The following NRG2 variants were observed in gnomAD, a reference collection of about 807,000 sequenced individuals.
NRG2 encodes the protein neuregulin 2, also known as pro-neuregulin-2, membrane-bound isoform.
NRG2 carries 27 observed loss-of-function variants against 73.9 expected under a neutral mutation model. That is an observed-to-expected ratio of 0.37 (90% CI 0.27 to 0.50). The LOEUF (loss-of-function observed/expected upper bound fraction) is 0.50. Ranked by LOEUF, NRG2 falls within the 20% of genes least tolerant of loss-of-function variation. The pLI is 0.96. For missense variants in NRG2, 1,126 were observed against 1,210.1 expected (o/e 0.93, Z 1.03); for synonymous variants, 532 against 541.0 (o/e 0.98, Z 0.23).
Position 139,887,898 on chromosome 5 carries a change from G to A in NRG2, c.701-387C>T, listed in dbSNP as rs1430407414. Among the ~76,000 whole-genome samples, 3 of 152,164 alleles carry A rather than the reference G, an allele frequency of 2.0e-5. No individual in the cohort carries two copies. The highest frequency in any genetic ancestry group is 7.2e-5 in the African/African-American group (3 of 41,450). ...ATGATGGAACTGGGATTCAAACACAGATCTCCTTGACATCAGTGCTCAGGA... is the reference window on the plus strand; with the variant it reads ...ATGATGGAACTGGGATTCAAACACAAATCTCCTTGACATCAGTGCTCAGGA... On this transcript the variant is annotated intron_variant, in intron 1 of 9. Transcript: ENST00000361474. The surrounding 1 kb of genome is among the most constrained non-coding windows in gnomAD (Gnocchi z 4.5).
chr5:140,043,245 G>A lies in NRG2; in HGVS notation c.-176C>T. The A allele has an allele frequency of 1.6e-6, 1 of 613,226 alleles. No individual in the cohort carries two copies. Among genetic ancestry groups the A allele is most frequent in the Non-Finnish European group, 2.7e-6 (1 of 365,604 alleles). The allele number at this position is 613,226 out of a possible 1,614,324, so 38.0% of individuals were successfully genotyped here. On this transcript the variant is annotated 5_prime_UTR_variant, in exon 1 of 10. Transcript: ENST00000361474. The surrounding 1 kb of genome is among the most constrained non-coding windows in gnomAD (Gnocchi z 6.7). ...GCAGGCGGCAAGCGGGCCGCGATGC[G>A]CAGCGCGGCGCAGCGCAGCGCTCCC...
intron 1 of NRG2, among the ~76,000 whole-genome samples, chr5:139,920,883 C>T (rs1031267517): frequency 1.3e-5 from 2 of 152,174 alleles, no homozygotes; most frequent in Non-Finnish European, 2.9e-5. Flanking sequence ...AATCAAACAA[C>T]AAAGTGATTA....
intron 1 of NRG2, among the ~76,000 whole-genome samples, chr5:139,896,628 A>T (rs1363453909): frequency 1.3e-5 from 2 of 152,178 alleles, no homozygotes; most frequent in East Asian, 3.8e-4. Context: ...TTCTCTTCCA[A>T]GATTGCTCCT....
In NRG2 at chr5:139,904,458, G is replaced by A; in HGVS notation, c.701-16947C>T. 9.1e-6 allele frequency: 9 copies of A among 993,894 alleles called. No homozygotes were observed. The South Asian group carries it at 1.3e-4, about 15-fold the overall frequency. The allele number at this position is 993,894 out of a possible 1,614,324, so 61.6% of individuals were successfully genotyped here. Reference sequence around the variant, plus strand: ...CTCTCCGCTGCCGCGCTGCGCCCCCGCCGCCTGCAGCCTCAGTGCCCGAGC... The same window carrying A: ...CTCTCCGCTGCCGCGCTGCGCCCCCACCGCCTGCAGCCTCAGTGCCCGAGC... On this transcript the variant is annotated intron_variant, in intron 1 of 9. Coordinates refer to ENST00000361474, the MANE Select transcript of NRG2 (RefSeq NM_004883.3). The surrounding 1 kb of genome is among the most constrained non-coding windows in gnomAD (Gnocchi z 6.0).
intron 9 of NRG2, 78 bp from the exon 10 acceptor site, chr5:139,848,775 G>GGGGGGGGGGGGGGCC: frequency 1.7e-6 from 1 of 601,720 alleles, no homozygotes; most frequent in East Asian, 4.9e-5. Flanking sequence ...GTGGGGTAGG[G>GGGGGGGGGGGGGGCC]TGGGAGGGGC....
At chr5:139,943,596 T>C (rs6870884) in intron 1 of NRG2, among the ~76,000 whole-genome samples, 4,012 of 152,380 alleles carry the variant, frequency 0.026, 69 homozygotes, top group Middle Eastern at 0.058. Context: ...TATGCTCTTT[T>C]AGCATGTCTA....
rs538136937 is a variant in NRG2 at position 139,972,825 on chromosome 5, C to A, written c.700+69545G>T. ...ATTAATACCCTAGATATATAAGGAA[C>A]CTTGTAACAATATGAAAAAGATAAA... On this transcript the variant is annotated intron_variant, in intron 1 of 9. Transcript: ENST00000361474. Among the ~76,000 whole-genome samples the A allele has an allele frequency of 2.6e-5, 4 of 152,212 alleles. No individual in the cohort carries two copies. In the East Asian group the frequency reaches 5.8e-4, roughly 22 times the overall value.
intron 1 of NRG2, among the ~76,000 whole-genome samples, chr5:140,035,132 T>C (rs1761412771): frequency 6.6e-6 from 1 of 152,160 alleles, no homozygotes; most frequent in Non-Finnish European, 1.5e-5. Flanking sequence ...CATTTTGTTT[T>C]TTGTTTTTTA....
chr5:139,918,878 T>C (rs1365089481), intron 1 of NRG2, among the ~76,000 whole-genome samples: 2 of 151,904 alleles, frequency 1.3e-5, no homozygotes, highest in Non-Finnish European at 2.9e-5. Context: ...GGGGAGATGC[T>C]CACACGTAGA....
At chr5:139,996,799 T>C (rs1424746284) in intron 1 of NRG2, among the ~76,000 whole-genome samples, 1 of 152,172 alleles carries the variant, frequency 6.6e-6, no homozygotes, top group Non-Finnish European at 1.5e-5. Flanking sequence ...ATGGCACATG[T>C]AATTAGCTCT....
intron 5 of NRG2, among the ~76,000 whole-genome samples, chr5:139,861,028 C>G (rs1762112556): frequency 6.6e-6 from 1 of 152,230 alleles, no homozygotes; most frequent in Non-Finnish European, 1.5e-5. Context: ...ACCTACCATT[C>G]TAATGTAGCA....
At chr5:139,891,026 C>G (rs1278279068) in intron 1 of NRG2, among the ~76,000 whole-genome samples, 1 of 152,158 alleles carries the variant, frequency 6.6e-6, no homozygotes, top group Non-Finnish European at 1.5e-5. Context: ...GCTAAAGTTT[C>G]CCCTTACCTC....
In NRG2 at chr5:139,904,456, C is replaced by G. The variant is rs896128427; in HGVS notation, c.701-16945G>C. ...AGCTCTCCGCTGCCGCGCTGCGCCC[C>G]CGCCGCCTGCAGCCTCAGTGCCCGA... On this transcript the variant is annotated intron_variant, in intron 1 of 9. Transcript: ENST00000361474. The surrounding 1 kb of genome is among the most constrained non-coding windows in gnomAD (Gnocchi z 6.0). The G allele has an allele frequency of 1.0e-5, 11 of 1,048,262 alleles. No individual in the cohort carries two copies. Among genetic ancestry groups the G allele is most frequent in the African/African-American group, 1.6e-5 (1 of 60,682 alleles). 64.9% of individuals were successfully genotyped at this position (1,048,262 alleles called of 1,614,324 possible).
At chr5:139,875,928 G>T (rs939459355) in intron 3 of NRG2, among the ~76,000 whole-genome samples, 1 of 152,202 alleles carries the variant, frequency 6.6e-6, no homozygotes, top group Non-Finnish European at 1.5e-5. Flanking sequence ...AAAGCAGTCT[G>T]GGAGTTCCTT....
In NRG2 at chr5:139,865,156, G is replaced by A. The variant is rs752340579; in HGVS notation, c.1189+393C>T. 5 of 1,613,836 alleles carry A rather than the reference G, an allele frequency of 3.1e-6. No homozygotes were observed. The highest frequency in any genetic ancestry group is 4.2e-6 in the Non-Finnish European group (5 of 1,179,766). On this transcript the variant is annotated intron_variant, in intron 5 of 9. Transcript: ENST00000361474. This position sits in a 1 kb window ranked among gnomAD's most constrained non-coding sequence, Gnocchi z 5.2. ...TGCGAACTGCTGACACCTGTCCCCG[G>A]TGTATCCCACAGGACACCTACCAAA... is the stretch of plus-strand genomic sequence containing the variant.
chr5:139,996,214 T>C (rs1037741876), intron 1 of NRG2, among the ~76,000 whole-genome samples: 3 of 152,248 alleles, frequency 2.0e-5, no homozygotes, highest in Non-Finnish European at 4.4e-5. Context: ...AATGGACTCA[T>C]ACTGTACATA....
chr5:139,927,002 A>C (rs576456288), intron 1 of NRG2, among the ~76,000 whole-genome samples: 27 of 152,252 alleles, frequency 1.8e-4, no homozygotes, highest in African/African-American at 6.0e-4. Flanking sequence ...TGAGCACAGC[A>C]CCTTCTGTGA....
chr5:139,938,957 G>GAAAGAA (rs1753137345), intron 1 of NRG2, among the ~76,000 whole-genome samples: 1 of 107,420 alleles, frequency 9.3e-6, no homozygotes, highest in Admixed American at 9.7e-5. Context: ...AAGAAAGAAA[G>GAAAGAA]AAAAAAGAAG....
chr5:139,859,886 T>C (rs1762040284), intron 5 of NRG2: 1 of 1,612,256 alleles, frequency 6.2e-7, no homozygotes, highest in Non-Finnish European at 8.5e-7. Context: ...AGAGGTTTCA[T>C]ACCCTTTAAT....
Sources: allele counts gnomAD v4.1 joint callset (sites outside exome capture counted in the v4.1 genomes callset), GRCh38; gene constraint gnomAD v4.1.1; non-coding constraint Gnocchi (gnomAD v3.1); transcripts MANE v1.5; gene names NCBI Gene and HGNC (gene_info 2026-07-23, HGNC 2026-07-21).